Variants in FUS observed in about 807,000 individuals in gnomAD.
FUS encodes the protein RNA-binding protein FUS.
Under a neutral mutation model 82.7 loss-of-function variants are expected in FUS, and 5 were observed. That is an observed-to-expected ratio of 0.06 (90% CI 0.03 to 0.13). FUS has a LOEUF of 0.13. Ranked by LOEUF, FUS falls within the 10% of genes least tolerant of loss-of-function variation. The probability of loss-of-function intolerance (pLI) is 1.00; values close to 1 mark genes in which losing one functional copy is unlikely to be tolerated. For synonymous variants in FUS, 281 were observed against 247.4 expected (o/e 1.14, Z -1.27); for missense variants, 512 against 707.8 (o/e 0.72, Z 3.14).
downstream of FUS, chr16:31,192,319 A>G (rs1203051359): frequency 1.9e-6 from 1 of 527,048 alleles, no homozygotes; most frequent in African/African-American, 1.9e-5. Flanking sequence ...GCAGCCAATG[A>G]GTTAAAACCT....
intron 13 of FUS, 31 bp from the exon 14 acceptor site, chr16:31,190,931 GA>G (rs2079346130): frequency 6.2e-7 from 1 of 1,611,420 alleles, no homozygotes; most frequent in African/African-American, 1.3e-5. Flanking sequence ...AGGGGAATGG[GA>G]ATATGATAGA....
chr16:31,189,071 G>A (rs754965428), intron 8 of FUS, 52 bp from the exon 9 acceptor site: 3 of 1,405,880 alleles, frequency 2.1e-6, no homozygotes, highest in Admixed American at 1.7e-5. Flanking sequence ...GTTTTTTCCT[G>A]TGTTTTTTAT....
rs1401413327 is a variant in FUS, at chr16:31,189,241, G to A, written c.936+15G>A. 1 of 1,547,070 alleles carries A rather than the reference G, an allele frequency of 6.5e-7. No individual in the cohort carries two copies. The highest frequency in any genetic ancestry group is 1.4e-5 in the African/African-American group (1 of 73,504). On this transcript the variant is annotated intron_variant, in intron 9 of 14. Transcript: ENST00000254108. The stretch of plus-strand genomic sequence containing the variant: ...GTATTATTAAGGTACTTGTGGAGAG[G>A]AGTGGGAGCTTTCTGTCAGTGTTGT...
downstream of FUS, chr16:31,193,300 TAAAAAC>T (rs769042157): frequency 2.5e-5 from 13 of 517,810 alleles, no homozygotes; most frequent in South Asian, 2.0e-4. Context: ...TCTGGCGTAT[TAAAAAC>T]AAAGGATCGT....
In FUS at chr16:31,182,655, A is replaced by G. The variant is rs1481060391; in HGVS notation, c.181A>G (p.Ser61Gly). The change falls in exon 3 of 15, where the codon AGC becomes GGC. Residue 61 changes from serine (S) to glycine (G), a missense_variant. Around this residue, in one of 6 missense-constraint regions of FUS, gnomAD observed 276 missense variants for 303.3 expected, o/e 0.91. Coordinates refer to ENST00000254108, the MANE Select transcript of FUS (RefSeq NM_004960.4). ...GQSSYSSYGQ[S>G]QNTGYGTQST... Reference sequence around the variant, plus strand: ...GAGCAGCTATTCTTCTTATGGCCAGAGCCAGAACAGTGAGTCTTTCTCAGC... The same window carrying G: ...GAGCAGCTATTCTTCTTATGGCCAGGGCCAGAACAGTGAGTCTTTCTCAGC... The G allele has an allele frequency of 5.6e-6, 9 of 1,614,120 alleles. No individual in the cohort carries two copies. The highest frequency in any genetic ancestry group is 7.6e-6 in the Non-Finnish European group (9 of 1,180,052).
intron 14 of FUS, 63 bp from the exon 15 acceptor site, chr16:31,191,336 A>G (rs2079355265): frequency 1.9e-6 from 3 of 1,595,412 alleles, no homozygotes; most frequent in Admixed American, 1.7e-5. Context: ...TAGGATATCT[A>G]GGCTTGGAGA....
intron 5 of FUS, 64 bp downstream of exon 5, chr16:31,184,460 CGGA>C: frequency 8.0e-7 from 1 of 1,255,552 alleles, no homozygotes. Flanking sequence ...TTTTTTGAGA[CGGA>C]GTCTTGCTCT....
chr16:31,189,252 T>C, intron 9 of FUS, 26 bp downstream of exon 9: 2 of 1,484,848 alleles, frequency 1.3e-6, no homozygotes, highest in Non-Finnish European at 1.9e-6. Flanking sequence ...AGTGGGAGCT[T>C]TCTGTCAGTG....
At chr16:31,191,377 A>ATTTTT in intron 14 of FUS, 22 bp from the exon 15 acceptor site, 2 of 1,526,904 alleles carry the variant, frequency 1.3e-6, no homozygotes, top group Non-Finnish European at 1.8e-6. Flanking sequence ...TGGATACTTA[A>ATTTTT]TTTTTTTTTT....
At position 31,191,452 on chromosome 16, in the gene FUS, C is replaced by T. The variant is rs765845068; in HGVS notation, c.*14C>T. ...AGGCCGTATTAATTAGCCTGGCTCC[C>T]CAGGTTCTGGAACAGCTTTTTGTCC... On this transcript the variant is annotated 3_prime_UTR_variant, in exon 15 of 15. Transcript: ENST00000254108. The T allele has an allele frequency of 9.9e-6, 16 of 1,613,476 alleles. No individual in the cohort carries two copies. In the East Asian group the frequency reaches 3.3e-4, roughly 34 times the overall value.
At chr16:31,188,650 A>G (rs1847515021) in intron 8 of FUS, 2 of 533,562 alleles carry the variant, frequency 3.7e-6, no homozygotes, top group Non-Finnish European at 6.6e-6. Flanking sequence ...CAGATGGTTT[A>G]CAGCAGTGGT....
intron 5 of FUS, among the ~76,000 whole-genome samples, 157 bp downstream of exon 5, chr16:31,184,553 C>T (rs1218099183): frequency 6.6e-6 from 1 of 151,790 alleles, no homozygotes; most frequent in African/African-American, 2.4e-5. Flanking sequence ...GCGCCAGTCT[C>T]CTGCCTCAGC....
chr16:31,186,282 C>G (rs2144119485), intron 6 of FUS: 1 of 295,870 alleles, frequency 3.4e-6, no homozygotes, highest in Admixed American at 4.7e-5. Flanking sequence ...GTAGTTAGGA[C>G]AGAGCTTAGC....
chr16:31,183,686 T>C, intron 3 of FUS, 172 bp from the exon 4 acceptor site: 1 of 770,176 alleles, frequency 1.3e-6, no homozygotes, highest in Non-Finnish European at 2.2e-6. Flanking sequence ...GTTGAAGCAT[T>C]AAATTTAGGC....
At chr16:31,180,138 T>C (rs1175647741), upstream of FUS, 7 of 1,573,418 alleles carry the variant, frequency 4.4e-6, no homozygotes, top group Non-Finnish European at 6.1e-6. Flanking sequence ...GAGGCGGGGC[T>C]GCTCAGTCCT....
intron 8 of FUS, chr16:31,188,723 G>A (rs2079308936): frequency 8.5e-6 from 4 of 472,028 alleles, no homozygotes; most frequent in Non-Finnish European, 1.5e-5. Flanking sequence ...CTGACCACAT[G>A]AAGTAAAGCA....
At chr16:31,186,262 A>G (rs2144119399) in intron 6 of FUS, 2 of 264,554 alleles carry the variant, frequency 7.6e-6, no homozygotes, top group Non-Finnish European at 7.4e-6. Context: ...GGGAGATCAA[A>G]AACAGCTCAG....
At position 31,191,484 on chromosome 16, in the gene FUS, C is replaced by A; in HGVS notation, c.*46C>A. ...CTGGAACAGCTTTTTGTCCTGTACC[C>A]AGTGTTACCCTCGTTATTTTGTAAC... is the stretch of plus-strand genomic sequence containing the variant. On this transcript the variant is annotated 3_prime_UTR_variant, in exon 15 of 15. Transcript: ENST00000254108. 6.3e-7 allele frequency: 1 copy of A among 1,594,388 alleles called. No homozygotes were observed. The highest frequency in any genetic ancestry group is 8.6e-7 in the Non-Finnish European group (1 of 1,162,318).
Position 31,184,265 on chromosome 16 carries a change from G to A in FUS, c.392G>A (p.Ser131Asn), listed in dbSNP as rs2079225817. Residue 131 changes from serine (S) to asparagine (N), a missense_variant, in exon 5 of 15, where the codon AGC becomes AAC. This residue lies in a region of FUS where 276 missense variants were observed against 303.3 expected (regional missense o/e 0.91). Coordinates refer to ENST00000254108, the MANE Select transcript of FUS (RefSeq NM_004960.4). ...GGGCAGCCCCAGAGTGGGAGCTACA[G>A]CCAGCAGCCTAGCTATGGTGGACAG... ...SYGQPQSGSY[S>N]QQPSYGGQQQ... is the part of the protein sequence containing the mutation. 5 of 1,614,140 alleles carry A rather than the reference G, an allele frequency of 3.1e-6. No individual in the cohort carries two copies. The highest frequency in any genetic ancestry group is 1.6e-4 in the Middle Eastern group (1 of 6,062).
Sources: gnomAD v4.1 joint callset for allele counts (sites outside exome capture counted in the v4.1 genomes callset) on GRCh38, gnomAD v4.1.1 for gene constraint, gnomAD v4.1.1 regional missense constraint, MANE v1.5 for transcripts, NCBI Gene and HGNC (gene_info 2026-07-23, HGNC 2026-07-21) for gene names.